Variants in PPP1R1C observed in about 807,000 individuals in gnomAD.
PPP1R1C encodes protein phosphatase 1 regulatory inhibitor subunit 1C.
A neutral mutation model predicts 17.4 loss-of-function variants in PPP1R1C; 15 were observed. The observed-to-expected ratio is 0.86, with a 90% CI of 0.58 to 1.33. PPP1R1C has a LOEUF of 1.33. PPP1R1C is among the 40% of genes most tolerant of loss of function. The pLI, the probability that PPP1R1C is intolerant of heterozygous loss-of-function variation, is 0.00. For synonymous variants in PPP1R1C, 35 were observed against 43.1 expected (o/e 0.81, Z 0.73); for missense variants, 143 against 130.0 (o/e 1.10, Z -0.48).
intron 2 of PPP1R1C, among the ~76,000 whole-genome samples, chr2:182,055,341 A>T (rs1244410450): frequency 3.3e-5 from 5 of 152,216 alleles, no homozygotes. Flanking sequence ...GTTGAGAACC[A>T]TAATTTTTTA....
chr2:182,108,886 A>C (rs2125232855), intron 4 of PPP1R1C, among the ~76,000 whole-genome samples: 1 of 152,282 alleles, frequency 6.6e-6, no homozygotes, highest in South Asian at 2.1e-4. Flanking sequence ...GTAAATACAA[A>C]GCAGTGATTT....
At chr2:182,087,416 G>A (rs987596736) in intron 4 of PPP1R1C, among the ~76,000 whole-genome samples, 7 of 152,158 alleles carry the variant, frequency 4.6e-5, no homozygotes, top group African/African-American at 1.7e-4. Flanking sequence ...GCTGAATTCT[G>A]TTCCTCTACT....
chr2:182,008,088 T>TAAA (rs748126131), intron 2 of PPP1R1C, among the ~76,000 whole-genome samples: 6,576 of 128,520 alleles, frequency 0.051, 460 homozygotes, highest in African/African-American at 0.15. Context: ...AACAAATAAA[T>TAAA]AAAAAAATAA....
intron 5 of PPP1R1C, among the ~76,000 whole-genome samples, chr2:182,128,400 A>G (rs1689928175): frequency 6.6e-6 from 1 of 152,048 alleles, no homozygotes. Flanking sequence ...TATATAATAG[A>G]AGATCAGAGA....
chr2:182,065,449 A>C (rs529918251), intron 4 of PPP1R1C, among the ~76,000 whole-genome samples: 1 of 152,186 alleles, frequency 6.6e-6, no homozygotes, highest in Non-Finnish European at 1.5e-5. Flanking sequence ...CAATTATAAA[A>C]AAGATGAAAG....
At chr2:182,110,810 G>C (rs909714365) in intron 4 of PPP1R1C, among the ~76,000 whole-genome samples, 1 of 152,176 alleles carries the variant, frequency 6.6e-6, no homozygotes, top group Middle Eastern at 3.4e-3. Flanking sequence ...GAGCCATTCT[G>C]TCTCTTTCTA....
At chr2:182,033,508 A>T (rs780203996) in intron 2 of PPP1R1C, among the ~76,000 whole-genome samples, 2 of 152,168 alleles carry the variant, frequency 1.3e-5, no homozygotes, top group Non-Finnish European at 2.9e-5. Flanking sequence ...CTTGTTATGT[A>T]TTCTTTAAAA....
intron 1 of PPP1R1C, among the ~76,000 whole-genome samples, chr2:181,963,516 G>A (rs892598986): frequency 6.6e-6 from 1 of 152,162 alleles, no homozygotes; most frequent in Non-Finnish European, 1.5e-5. Context: ...GTGCGTTCCT[G>A]TAATCCCAGC....
intron 3 of PPP1R1C, 84 bp from the exon 4 acceptor site, chr2:182,063,647 C>T: frequency 1.0e-6 from 1 of 993,946 alleles, no homozygotes; most frequent in Non-Finnish European, 1.6e-6. Flanking sequence ...TAACATGGCA[C>T]AGTATTTATT....
At chr2:181,975,914 G>T (rs1419369887) in intron 2 of PPP1R1C, among the ~76,000 whole-genome samples, 4 of 151,844 alleles carry the variant, frequency 2.6e-5, no homozygotes, top group Non-Finnish European at 5.9e-5. Flanking sequence ...GACAAAGCAT[G>T]TTTTTTTGAA....
intron 4 of PPP1R1C, among the ~76,000 whole-genome samples, chr2:182,089,264 C>T (rs1230312756): frequency 1.3e-5 from 2 of 152,168 alleles, no homozygotes; most frequent in Admixed American, 1.3e-4. Flanking sequence ...AGTAAATTCT[C>T]ATTTGAAGTT....
intron 2 of PPP1R1C, among the ~76,000 whole-genome samples, chr2:182,029,315 C>T (rs1411028852): frequency 6.6e-6 from 1 of 151,922 alleles, no homozygotes; most frequent in East Asian, 1.9e-4. Context: ...TCTCGATGGT[C>T]TTTACATTTT....
chr2:182,115,107 T>C (rs890197711), intron 4 of PPP1R1C, among the ~76,000 whole-genome samples: 1 of 152,136 alleles, frequency 6.6e-6, no homozygotes, highest in Non-Finnish European at 1.5e-5. Flanking sequence ...CTGGAGTCAT[T>C]AGAACCTTTG....
At chr2:181,997,121 C>G (rs1008312804) in intron 2 of PPP1R1C, among the ~76,000 whole-genome samples, 1 of 151,848 alleles carries the variant, frequency 6.6e-6, no homozygotes, top group Non-Finnish European at 1.5e-5. Flanking sequence ...CCCAGCTACT[C>G]CGGAGGCTGA....
At chr2:182,012,510 A>C (rs1199286995) in intron 2 of PPP1R1C, among the ~76,000 whole-genome samples, 1 of 151,872 alleles carries the variant, frequency 6.6e-6, no homozygotes, top group African/African-American at 2.4e-5. Flanking sequence ...TTATAGGTGA[A>C]GTGTGTTTCT....
chr2:182,079,390 C>T (rs532305904), intron 4 of PPP1R1C, among the ~76,000 whole-genome samples: 32 of 152,282 alleles, frequency 2.1e-4, no homozygotes, highest in Middle Eastern at 3.4e-3. Flanking sequence ...GGTAATGCTG[C>T]GCTGTGTCTT....
chr2:182,000,917 C>T (rs1032627744), intron 2 of PPP1R1C, among the ~76,000 whole-genome samples: 22 of 152,084 alleles, frequency 1.4e-4, no homozygotes, highest in African/African-American at 5.1e-4. Flanking sequence ...CTTATAATTC[C>T]TCTCTGGATA....
At chr2:182,118,509 G>C (rs1689649167), downstream of PPP1R1C, among the ~76,000 whole-genome samples, 1 of 152,108 alleles carries the variant, frequency 6.6e-6, no homozygotes, top group Non-Finnish European at 1.5e-5. Flanking sequence ...TCAAAAGTCA[G>C]TAAAGGACAA....
intron 4 of PPP1R1C, among the ~76,000 whole-genome samples, chr2:182,069,570 A>C (rs1016981679): frequency 6.6e-6 from 1 of 152,184 alleles, no homozygotes; most frequent in African/African-American, 2.4e-5. Context: ...AAAAGGTTTA[A>C]AAGACCTTGA....
Sources: gnomAD v4.1 joint callset for allele counts (sites outside exome capture counted in the v4.1 genomes callset) on GRCh38, gnomAD v4.1.1 for gene constraint, MANE v1.5 for transcripts, NCBI Gene and HGNC (gene_info 2026-07-23, HGNC 2026-07-21) for gene names.